The following CSMD1 variants were observed in gnomAD, a reference collection of about 807,000 sequenced individuals.
The protein encoded by CSMD1 is CUB and Sushi multiple domains 1.
In CSMD1, 213 loss-of-function variants were observed where a neutral mutation model predicts 417.5. The observed-to-expected ratio is 0.51, with a 90% CI of 0.46 to 0.57. The LOEUF is 0.57. Among genes scored for constraint, CSMD1 ranks in the 20% least tolerant of loss-of-function variants. CSMD1 has a pLI of 0.00. For synonymous variants in CSMD1, 2,862 were observed against 1,736.8 expected (o/e 1.65, Z -16.11); for missense variants, 6,923 against 4,529.7 (o/e 1.53, Z -15.17).
At position 3,188,402 on chromosome 8, in the gene CSMD1, G is replaced by A. The variant is rs370413412; in HGVS notation, c.5524-437C>T. 1.5e-4 allele frequency among the ~76,000 whole-genome samples: 21 copies of A among 144,052 alleles called. No homozygotes were observed. In the East Asian group the frequency reaches 1.9e-3, roughly 13 times the overall value. 94.5% of individuals were successfully genotyped at this position (144,052 alleles called of 152,430 possible). A position where few individuals can be genotyped will look rare whatever the true frequency, so the allele number is the denominator to read the frequency against. On this transcript the variant is annotated intron_variant, in intron 35 of 69. Coordinates refer to ENST00000635120, the MANE Select transcript of CSMD1 (RefSeq NM_033225.6). ...GCTCACTGCAACCTCCGCCTCCCAGGTTCAAGCAATTCCCCTGCCTCAGCC... is the reference window on the plus strand; with the variant it reads ...GCTCACTGCAACCTCCGCCTCCCAGATTCAAGCAATTCCCCTGCCTCAGCC...
intron 2 of CSMD1, among the ~76,000 whole-genome samples, chr8:4,498,502 A>G (rs2130264460): frequency 6.6e-6 from 1 of 152,360 alleles, no homozygotes; most frequent in Non-Finnish European, 1.5e-5. Flanking sequence ...AAATTGATTT[A>G]AATCACTAAA....
chr8:3,447,055 T>A (rs553909337), intron 12 of CSMD1, among the ~76,000 whole-genome samples: 4 of 152,106 alleles, frequency 2.6e-5, no homozygotes, highest in Non-Finnish European at 5.9e-5. Context: ...TTAATAAAAT[T>A]AAAACACAGC....
chr8:3,916,279 G>C (rs28445969), intron 5 of CSMD1, among the ~76,000 whole-genome samples: 5,408 of 152,094 alleles, frequency 0.036, 304 homozygotes, highest in African/African-American at 0.12. Flanking sequence ...AAGCTTTTGT[G>C]GAAAGTCTCA....
In CSMD1 at chr8:3,320,729, C is replaced by G. The variant is rs187828971; in HGVS notation, c.3632-12226G>C. Among the ~76,000 whole-genome samples, 206 of 152,282 alleles carry G rather than the reference C, an allele frequency of 1.4e-3. 8 individuals are homozygous for G. The South Asian group carries it at 0.031, about 23-fold the overall frequency. ...TTTCTGCTGAGTGGGTGACTGCCAT[C>G]CATCAGCCTAACTGTGGCTTGCAGG... On this transcript the variant is annotated intron_variant, in intron 23 of 69. Coordinates refer to ENST00000635120, the MANE Select transcript of CSMD1 (RefSeq NM_033225.6).
chr8:3,658,863 C>T (rs1193396601), intron 7 of CSMD1, among the ~76,000 whole-genome samples: 1 of 152,122 alleles, frequency 6.6e-6, no homozygotes, highest in Non-Finnish European at 1.5e-5. Context: ...TCTCCTAATT[C>T]CAGGGGATGT....
At chr8:3,987,249 C>G (rs887220309) in intron 5 of CSMD1, among the ~76,000 whole-genome samples, 2 of 152,216 alleles carry the variant, frequency 1.3e-5, no homozygotes, top group Admixed American at 1.3e-4. Context: ...GCTTCCCATG[C>G]TCAAAGGCTA....
intron 3 of CSMD1, among the ~76,000 whole-genome samples, chr8:4,107,751 T>G (rs1801642039): frequency 6.6e-6 from 1 of 152,170 alleles, no homozygotes; most frequent in African/African-American, 2.4e-5. Flanking sequence ...ACGCTGCGGT[T>G]TGTCACATGA....
chr8:3,615,956 T>C (rs1802116674), intron 8 of CSMD1, among the ~76,000 whole-genome samples: 1 of 152,212 alleles, frequency 6.6e-6, no homozygotes, highest in African/African-American at 2.4e-5. Flanking sequence ...GTATTCATAA[T>C]GTAGCAACAG....
intron 1 of CSMD1, among the ~76,000 whole-genome samples, chr8:4,683,031 G>C (rs1205800588): frequency 1.4e-5 from 2 of 144,422 alleles, no homozygotes; most frequent in Admixed American, 7.0e-5. Flanking sequence ...CTCACTTCTT[G>C]TGAAATATAA....
At chr8:3,705,960 C>G (rs1801142904) in intron 7 of CSMD1, among the ~76,000 whole-genome samples, 1 of 152,214 alleles carries the variant, frequency 6.6e-6, no homozygotes, top group African/African-American at 2.4e-5. Context: ...CCTTGGGTAT[C>G]AAGAACGTAA....
At chr8:4,320,056 A>G (rs1265264299) in intron 3 of CSMD1, among the ~76,000 whole-genome samples, 2 of 152,194 alleles carry the variant, frequency 1.3e-5, no homozygotes, top group South Asian at 2.1e-4. Flanking sequence ...TAGTAAACAA[A>G]AGACTTCGTT....
intron 5 of CSMD1, among the ~76,000 whole-genome samples, chr8:3,806,974 T>C (rs7007006): frequency 1.4e-3 from 206 of 152,296 alleles, no homozygotes; most frequent in African/African-American, 4.6e-3. Context: ...TGATGATTTA[T>C]TCTAGCTACT....
chr8:4,684,038 G>A (rs1806217053), intron 1 of CSMD1, among the ~76,000 whole-genome samples: 1 of 152,158 alleles, frequency 6.6e-6, no homozygotes, highest in Non-Finnish European at 1.5e-5. Context: ...CAGTATGATG[G>A]CATTTTACAA....
intron 3 of CSMD1, among the ~76,000 whole-genome samples, chr8:4,248,651 G>A (rs919907968): frequency 3.3e-5 from 5 of 151,960 alleles, no homozygotes; most frequent in East Asian, 1.9e-4. Context: ...ACACCATTAA[G>A]GACCACCCAC....
chr8:4,584,075 C>G (rs1177689047), intron 2 of CSMD1, among the ~76,000 whole-genome samples: 2 of 151,882 alleles, frequency 1.3e-5, no homozygotes, highest in Non-Finnish European at 2.9e-5. Context: ...CACTCCTGAG[C>G]CAGCAAGACC....
At chr8:4,149,022 G>A (rs971224347) in intron 3 of CSMD1, among the ~76,000 whole-genome samples, 24 of 150,890 alleles carry the variant, frequency 1.6e-4, no homozygotes, top group Admixed American at 5.9e-4. Flanking sequence ...GGAGTGCAGT[G>A]GCACAATCTT....
chr8:3,835,245 G>T (rs1177963237), intron 5 of CSMD1, among the ~76,000 whole-genome samples: 1 of 151,690 alleles, frequency 6.6e-6, no homozygotes, highest in African/African-American at 2.4e-5. Flanking sequence ...TATAAATCAT[G>T]CTGCTATAAA....
chr8:4,273,974 T>C (rs1167870314), intron 3 of CSMD1, among the ~76,000 whole-genome samples: 1 of 152,162 alleles, frequency 6.6e-6, no homozygotes, highest in African/African-American at 2.4e-5. Flanking sequence ...AGAACGACAT[T>C]TGTATTGCTA....
intron 5 of CSMD1, among the ~76,000 whole-genome samples, chr8:3,902,006 C>T (rs139172408): frequency 2.0e-5 from 3 of 152,058 alleles, no homozygotes. Context: ...CCTCCTTTTC[C>T]TCTTACTCTA....
Sources: allele counts gnomAD v4.1 joint callset (sites outside exome capture counted in the v4.1 genomes callset), GRCh38; gene constraint gnomAD v4.1.1; transcripts MANE v1.5; gene names NCBI Gene and HGNC (gene_info 2026-07-23, HGNC 2026-07-21).